MEDAG: variants seen among roughly 807,000 people sequenced by gnomAD.
MEDAG encodes the protein mesenteric estrogen dependent adipogenesis, also known as mesenteric estrogen-dependent adipogenesis protein.
A neutral mutation model predicts 29.9 loss-of-function variants in MEDAG; 25 were observed. The observed-to-expected ratio is 0.84, with a 90% confidence interval of 0.61 to 1.17. MEDAG has a LOEUF of 1.17. MEDAG is among the 50% of genes most tolerant of loss of function. The pLI is 0.00. For synonymous variants in MEDAG, 158 were observed against 148.2 expected, an observed-to-expected ratio of 1.07 and a Z score of -0.48; for missense variants, 398 against 372.9, an observed-to-expected ratio of 1.07 and a Z score of -0.56.
intron 1 of MEDAG, among the ~76,000 whole-genome samples, chr13:30,907,466 G>A (rs562138692): frequency 6.6e-6 from 1 of 152,372 alleles, no homozygotes; most frequent in Non-Finnish European, 1.5e-5. Context: ...ATGGGAAGGA[G>A]GCCCCCAGGA....
At chr13:30,907,667 T>C (rs946876834) in intron 1 of MEDAG, among the ~76,000 whole-genome samples, 4 of 152,238 alleles carry the variant, frequency 2.6e-5, no homozygotes, top group Admixed American at 1.3e-4. Context: ...GTTATATTTG[T>C]GCTGAGAGAG....
At chr13:30,915,851 T>C (rs555693723) in intron 1 of MEDAG, among the ~76,000 whole-genome samples, 2 of 151,924 alleles carry the variant, frequency 1.3e-5, no homozygotes, top group Non-Finnish European at 2.9e-5. Flanking sequence ...ATTCCCATCG[T>C]CCTCTCCTCT....
At chr13:30,922,598 G>C (rs1389356094) in intron 4 of MEDAG, 1 of 152,112 alleles carries the variant, frequency 6.6e-6, no homozygotes, top group East Asian at 1.9e-4. Flanking sequence ...TCCAGATTTG[G>C]ACAGAGCACA....
At position 30,906,784 on chromosome 13, in the gene MEDAG, A is replaced by G. The variant is rs1332938649; in HGVS notation, c.269A>G (p.Tyr90Cys). 4.7e-6 allele frequency: 7 copies of G among 1,500,602 alleles called. No homozygotes were observed. The highest frequency in any genetic ancestry group is 4.3e-5 in the African/African-American group (3 of 69,552). 93.0% of individuals were successfully genotyped at this position (1,500,602 alleles called of 1,614,324 possible). A position where few individuals can be genotyped will look rare whatever the true frequency, so the allele number is the denominator to read the frequency against. Residue 90 changes from tyrosine (Y) to cysteine (C), a missense_variant, in exon 1 of 5, where the codon TAC becomes TGC. Physicochemically the swap from Tyr to Cys is radical, Grantham distance 194 (BLOSUM62 -2). Coordinates refer to ENST00000380482, the MANE Select transcript of MEDAG (RefSeq NM_032849.4). ...GGGCAGCTCTACCGCCTCAGCAGCT[A>G]CATCAAGAGGTGGGTGGCCTCGCCG... ...LDGQLYRLSS[Y>C]IKRYVELTNY...
intron 2 of MEDAG, among the ~76,000 whole-genome samples, chr13:30,918,746 A>G (rs562125001): frequency 1.4e-4 from 21 of 152,322 alleles, no homozygotes; most frequent in Admixed American, 1.1e-3. Context: ...CCAAACATTC[A>G]CTCTCATTCA....
At chr13:30,921,213 T>A in intron 3 of MEDAG, 87 bp downstream of exon 3, 1 of 1,148,332 alleles carries the variant, frequency 8.7e-7, no homozygotes, top group Non-Finnish European at 1.3e-6. Context: ...CCTATTGCCC[T>A]GGCTTAGGCC....
chr13:30,921,805 G>C lies in MEDAG; in HGVS notation c.746G>C (p.Arg249Thr). 1.2e-6 allele frequency: 2 copies of C among 1,611,382 alleles called. No homozygotes were observed. Among genetic ancestry groups the C allele is most frequent in the South Asian group, 1.1e-5 (1 of 90,224 alleles). Residue 249 changes from arginine to threonine, a missense_variant, in exon 4 of 5, where the codon AGG (arginine) becomes ACG (threonine). Coordinates refer to ENST00000380482, the MANE Select transcript of MEDAG (RefSeq NM_032849.4). ...AAAATGAGTGAGCCTTTAATCCGAA[G>C]GAGCAGTTTCTCTGACCGAAAGTTC... Reference protein sequence around the residue: ...LEKMSEPLIRRSSFSDRKFSV... With the variant: ...LEKMSEPLIRTSSFSDRKFSV...
At chr13:30,916,575 A>G (rs903997767) in intron 1 of MEDAG, 1 of 152,280 alleles carries the variant, frequency 6.6e-6, no homozygotes, top group Non-Finnish European at 1.5e-5. Flanking sequence ...GCTGGGGGCC[A>G]TTCAGCCTAC....
intron 1 of MEDAG, 127 bp downstream of exon 1, chr13:30,906,920 CGCTTCTAGACTTTCCTTCT>C: frequency 1.1e-6 from 1 of 947,716 alleles, no homozygotes; most frequent in Non-Finnish European, 1.5e-6. Flanking sequence ...TTGCTCCGTG[CGCTTCTAGACTTTCCTTCT>C]GCTTCTATCA....
Position 30,906,408 on chromosome 13 carries a change from C to T in MEDAG, c.-108C>T. On this transcript the variant is annotated 5_prime_UTR_variant, in exon 1 of 5. Coordinates refer to ENST00000380482, the MANE Select transcript of MEDAG (RefSeq NM_032849.4). ...ACCGACCCCCTCCTCACCTCGCGCG[C>T]GGCTGACGCAGGCAGGGCGCCCGGC... The T allele has an allele frequency of 1.6e-6, 2 of 1,222,010 alleles. No homozygotes were observed. Among genetic ancestry groups the T allele is most frequent in the Non-Finnish European group, 2.1e-6 (2 of 944,864 alleles). 75.7% of individuals were successfully genotyped at this position (1,222,010 alleles called of 1,614,324 possible).
In MEDAG at chr13:30,910,110, C is replaced by T. The variant is rs563336734; in HGVS notation, c.278+3317C>T. Among the ~76,000 whole-genome samples, 34 of 152,026 alleles carry T rather than the reference C, an allele frequency of 2.2e-4. 3 individuals carry two copies. In the South Asian group the frequency reaches 4.6e-3, roughly 20 times the overall value. On this transcript the variant is annotated intron_variant, in intron 1 of 4. Coordinates refer to ENST00000380482, the MANE Select transcript of MEDAG (RefSeq NM_032849.4). Reference sequence around the variant, plus strand: ...TTGTAAACACAATGTGCTCAGGACACGAGATGTGGGTAATGGTCATTCAGG... The same window carrying T: ...TTGTAAACACAATGTGCTCAGGACATGAGATGTGGGTAATGGTCATTCAGG...
rs1410678426 is a variant in MEDAG at position 30,925,061 on chromosome 13, C to G, written c.*626C>G. On this transcript the variant is annotated 3_prime_UTR_variant, in exon 5 of 5. Transcript: ENST00000380482. ...TTGCTAGGACAGTAACCCTGCCACA[C>G]ACTGCCTGAAATCGGAACTCCCTTG... is the stretch of plus-strand genomic sequence containing the variant. The G allele has an allele frequency of 6.6e-6, 1 of 152,190 alleles. No homozygotes were observed. Among genetic ancestry groups the G allele is most frequent in the Non-Finnish European group, 1.5e-5 (1 of 68,038 alleles). The allele number at this position is 152,190 out of a possible 1,614,324, so 9.4% of individuals were successfully genotyped here.
At chr13:30,923,614 A>T (rs1451525061) in intron 4 of MEDAG, among the ~76,000 whole-genome samples, 1 of 152,126 alleles carries the variant, frequency 6.6e-6, no homozygotes, top group Non-Finnish European at 1.5e-5. Flanking sequence ...GGAGGGGATG[A>T]TTAACTGGCC....
chr13:30,916,882 A>G (rs11842807), intron 1 of MEDAG: 2,239 of 153,768 alleles, frequency 0.015, 60 homozygotes, highest in African/African-American at 0.049. Flanking sequence ...TCAGCGTAGG[A>G]GAGATGTGAA....
intron 2 of MEDAG, among the ~76,000 whole-genome samples, chr13:30,918,872 C>T (rs1952955198): frequency 6.6e-6 from 1 of 152,148 alleles, no homozygotes; most frequent in South Asian, 2.1e-4. Flanking sequence ...ACATCTGAAG[C>T]CCACGTGTTC....
intron 1 of MEDAG, among the ~76,000 whole-genome samples, chr13:30,915,392 G>A (rs1265944687): frequency 3.9e-5 from 6 of 152,154 alleles, no homozygotes; most frequent in African/African-American, 9.7e-5. Context: ...CACTGCCTCC[G>A]TCCACTGTCC....
intron 2 of MEDAG, among the ~76,000 whole-genome samples, chr13:30,918,477 G>A (rs556593933): frequency 1.1e-4 from 17 of 152,270 alleles, no homozygotes; most frequent in Middle Eastern, 3.4e-3. Flanking sequence ...CATGATGTTG[G>A]AATGTCATGT....
intron 1 of MEDAG, chr13:30,909,154 T>G (rs1952858116): frequency 6.6e-6 from 1 of 150,886 alleles, no homozygotes; most frequent in African/African-American, 2.5e-5. Context: ...CAGCATTCCC[T>G]GGATCAGTGA....
At chr13:30,913,243 T>C (rs1593505667) in intron 1 of MEDAG, among the ~76,000 whole-genome samples, 1 of 152,150 alleles carries the variant, frequency 6.6e-6, no homozygotes, top group Non-Finnish European at 1.5e-5. Flanking sequence ...TGAGATAGGG[T>C]CTTGCTCTGT....
Sources: gnomAD v4.1 joint callset for allele counts (sites outside exome capture counted in the v4.1 genomes callset) on GRCh38, gnomAD v4.1.1 for gene constraint, MANE v1.5 for transcripts, NCBI Gene and HGNC (gene_info 2026-07-23, HGNC 2026-07-21) for gene names.